Variants in FAM178B observed in about 807,000 individuals in gnomAD.
FAM178B encodes the protein family with sequence similarity 178 member B, also known as protein FAM178B.
In FAM178B, 82 loss-of-function variants were observed where a neutral mutation model predicts 91.7. The observed-to-expected ratio is 0.89, with a 90% CI of 0.75 to 1.07. FAM178B has a LOEUF of 1.07. FAM178B is among the 50% of genes least tolerant of loss of function. The pLI is 0.00. For synonymous variants in FAM178B, 368 were observed against 359.4 expected (o/e 1.02, Z -0.27); for missense variants, 769 against 846.7 (o/e 0.91, Z 1.14).
At chr2:96,912,936 C>T (rs748116467) in intron 12 of FAM178B, among the ~76,000 whole-genome samples, 27 of 152,188 alleles carry the variant, frequency 1.8e-4, no homozygotes, top group African/African-American at 6.3e-4. Flanking sequence ...GGGCAGGATT[C>T]AGCCATGAGT....
rs2082421666 is a variant in FAM178B at position 96,986,223 on chromosome 2, C to T, written c.73+18G>A. ...CTAACCACGCGCCCCTGCGGTTCCT[C>T]GGCCTCAGTTTCCTTACCTGTAAAA... On this transcript the variant is annotated intron_variant, in intron 1 of 16. Coordinates refer to ENST00000490605, the MANE Select transcript of FAM178B (RefSeq NM_001122646.3). 1 of 1,534,440 alleles carries T rather than the reference C, an allele frequency of 6.5e-7. No individual in the cohort carries two copies.
chr2:96,894,386 CCA>C (rs2080760368), intron 13 of FAM178B, among the ~76,000 whole-genome samples: 3 of 135,494 alleles, frequency 2.2e-5, no homozygotes, highest in Non-Finnish European at 4.8e-5. Context: ...CTCCCCACAC[CCA>C]CACATACCCA....
chr2:96,911,143 G>A (rs1055820229), intron 12 of FAM178B, among the ~76,000 whole-genome samples: 1 of 152,060 alleles, frequency 6.6e-6, no homozygotes, highest in Non-Finnish European at 1.5e-5. Flanking sequence ...CAAAGCACGA[G>A]TGTGCTGAGT....
intron 1 of FAM178B, among the ~76,000 whole-genome samples, chr2:96,983,094 C>T (rs1259268763): frequency 6.6e-6 from 1 of 151,248 alleles, no homozygotes; most frequent in Non-Finnish European, 1.5e-5. Flanking sequence ...TTGACCAGGT[C>T]AGCCTTGAAC....
chr2:96,928,898 T>C (rs2081492923), intron 9 of FAM178B, among the ~76,000 whole-genome samples: 1 of 152,038 alleles, frequency 6.6e-6, no homozygotes, highest in African/African-American at 2.4e-5. Context: ...ACCTGTAATC[T>C]CAGCACTTTG....
chr2:96,878,181 A>C (rs2080293516), intron 15 of FAM178B, 139 bp from the exon 16 acceptor site: 2 of 981,410 alleles, frequency 2.0e-6, no homozygotes, highest in Non-Finnish European at 3.1e-6. Flanking sequence ...GAAAAGGAGG[A>C]TGGGGCCAGC....
chr2:96,929,699 G>A lies in FAM178B; in HGVS notation c.1079-379C>T, dbSNP rs189235832. On this transcript the variant is annotated intron_variant, in intron 8 of 16. Coordinates refer to ENST00000490605, the MANE Select transcript of FAM178B (RefSeq NM_001122646.3). ...AAGGCTCACTGGACACCAGGCTCACGTCCTTAGACTCTCTTGCTGCAAAGC... is the reference window on the plus strand; with the variant it reads ...AAGGCTCACTGGACACCAGGCTCACATCCTTAGACTCTCTTGCTGCAAAGC... 9.0e-4 allele frequency among the ~76,000 whole-genome samples: 137 copies of A among 152,320 alleles called. 2 individuals are homozygous for A. In the South Asian group the frequency reaches 0.012, roughly 13 times the overall value.
intron 5 of FAM178B, among the ~76,000 whole-genome samples, chr2:96,963,171 G>A (rs2082104667): frequency 6.6e-6 from 1 of 152,214 alleles, no homozygotes; most frequent in African/African-American, 2.4e-5. Flanking sequence ...AAACATCCAA[G>A]CCATGACTTC....
chr2:96,981,654 T>C (rs1475106922), intron 1 of FAM178B, among the ~76,000 whole-genome samples: 5 of 141,066 alleles, frequency 3.5e-5, no homozygotes, highest in Admixed American at 7.7e-5. Flanking sequence ...GGCAGGAGAA[T>C]GGCGTGAACC....
intron 12 of FAM178B, among the ~76,000 whole-genome samples, chr2:96,909,681 T>G (rs2081119006): frequency 6.6e-6 from 1 of 152,146 alleles, no homozygotes; most frequent in Admixed American, 6.5e-5. Context: ...TTCACACGTC[T>G]TGCTGTCAAA....
chr2:96,970,602 G>A (rs538779872), intron 4 of FAM178B, 114 bp downstream of exon 4: 48 of 777,218 alleles, frequency 6.2e-5, no homozygotes, highest in Non-Finnish European at 1.0e-4. Flanking sequence ...CACAGGGCAG[G>A]CTGAGTCTGG....
In FAM178B at chr2:96,986,220, C is replaced by T. The variant is rs779391685; in HGVS notation, c.73+21G>A. The T allele has an allele frequency of 8.9e-5, 136 of 1,534,330 alleles. No homozygotes were observed. In the African/African-American group the frequency reaches 1.7e-3, roughly 20 times the overall value. ...GCGCTAACCACGCGCCCCTGCGGTT[C>T]CTCGGCCTCAGTTTCCTTACCTGTA... On this transcript the variant is annotated intron_variant, in intron 1 of 16. Coordinates refer to ENST00000490605, the MANE Select transcript of FAM178B (RefSeq NM_001122646.3).
intron 13 of FAM178B, among the ~76,000 whole-genome samples, chr2:96,896,836 A>G (rs2080833778): frequency 6.6e-6 from 1 of 152,084 alleles, no homozygotes; most frequent in Non-Finnish European, 1.5e-5. Flanking sequence ...CCACCTTCTC[A>G]GTGAGGCCCA....
chr2:96,937,455 T>C (rs1164108399), intron 8 of FAM178B, among the ~76,000 whole-genome samples: 1 of 152,028 alleles, frequency 6.6e-6, no homozygotes, highest in Non-Finnish European at 1.5e-5. Context: ...TGGGCAGGAA[T>C]CCTCAGATGC....
intron 10 of FAM178B, among the ~76,000 whole-genome samples, chr2:96,922,507 G>A (rs1055353795): frequency 2.0e-5 from 3 of 151,948 alleles, no homozygotes; most frequent in South Asian, 2.1e-4. Context: ...GCGCCACCGC[G>A]CCCGACTAAT....
At chr2:96,891,139 C>T (rs910022831) in intron 14 of FAM178B, among the ~76,000 whole-genome samples, 22 of 152,194 alleles carry the variant, frequency 1.4e-4, no homozygotes, top group Admixed American at 1.4e-3. Context: ...CTATGTTGCC[C>T]CTGATTCACT....
intron 14 of FAM178B, 38 bp downstream of exon 14, chr2:96,893,888 C>T (rs918222275): frequency 1.3e-6 from 2 of 1,597,074 alleles, no homozygotes; most frequent in Admixed American, 1.7e-5. Flanking sequence ...GGTGGTGGCA[C>T]CGTGGTGGAG....
intron 9 of FAM178B, among the ~76,000 whole-genome samples, chr2:96,928,974 AC>A (rs57641223): frequency 0.21 from 30,074 of 144,126 alleles, 5,436 homozygotes; most frequent in African/African-American, 0.5. Context: ...ACGTAGGGAG[AC>A]CCCCCCCCGC....
intron 6 of FAM178B, 80 bp downstream of exon 6, chr2:96,960,208 T>C: frequency 6.8e-7 from 1 of 1,472,634 alleles, no homozygotes; most frequent in Non-Finnish European, 9.1e-7. Context: ...CCCTTTGGGG[T>C]GGCCCTTATC....
Sources: gnomAD v4.1 joint callset for allele counts (sites outside exome capture counted in the v4.1 genomes callset) on GRCh38, gnomAD v4.1.1 for gene constraint, MANE v1.5 for transcripts, NCBI Gene and HGNC (gene_info 2026-07-23, HGNC 2026-07-21) for gene names.